Variants in COMMD1 observed in about 807,000 individuals in gnomAD.
COMMD1 encodes copper metabolism domain containing 1.
COMMD1 carries 10 observed loss-of-function variants against 17.2 expected under a neutral mutation model. That is an observed-to-expected ratio of 0.58 (90% CI 0.36 to 0.99). COMMD1 has a LOEUF of 0.99. COMMD1 is among the 50% of genes least tolerant of loss of function. The probability of loss-of-function intolerance (pLI) is 0.01; values close to 1 mark genes in which losing one functional copy is unlikely to be tolerated. For missense variants in COMMD1, 270 were observed against 231.8 expected (o/e 1.17, Z -1.07); for synonymous variants, 97 against 91.6 (o/e 1.06, Z -0.34).
intron 2 of COMMD1, among the ~76,000 whole-genome samples, chr2:62,021,880 A>G (rs1474819602): frequency 6.6e-6 from 1 of 152,222 alleles, no homozygotes; most frequent in Non-Finnish European, 1.5e-5. Flanking sequence ...TGTTTTTAAC[A>G]TCAGGGTTAA....
intron 2 of COMMD1, among the ~76,000 whole-genome samples, chr2:62,041,780 C>T (rs908759640): frequency 6.6e-6 from 1 of 152,106 alleles, no homozygotes; most frequent in African/African-American, 2.4e-5. Flanking sequence ...TTCAGATGTT[C>T]AGATGTGTCC....
intron 1 of COMMD1, among the ~76,000 whole-genome samples, chr2:61,891,589 G>T (rs555010865): frequency 6.6e-6 from 1 of 151,780 alleles, no homozygotes. Context: ...TTAGCCAGGC[G>T]TGGTGTCAGA....
At chr2:62,029,852 G>A (rs1052841466) in intron 2 of COMMD1, among the ~76,000 whole-genome samples, 5 of 152,152 alleles carry the variant, frequency 3.3e-5, no homozygotes, top group Admixed American at 6.5e-5. Context: ...CAAGCCCTTC[G>A]GCCCCAGTGG....
intron 2 of COMMD1, among the ~76,000 whole-genome samples, chr2:62,114,445 A>C (rs1672533795): frequency 6.6e-6 from 1 of 152,218 alleles, no homozygotes; most frequent in Non-Finnish European, 1.5e-5. Context: ...ATGGCATCTT[A>C]ACTGTGGACT....
At chr2:61,913,733 G>A (rs548983781) in intron 1 of COMMD1, among the ~76,000 whole-genome samples, 6 of 132,234 alleles carry the variant, frequency 4.5e-5, no homozygotes, top group Admixed American at 3.5e-4. Context: ...GAGGCAGAGC[G>A]TACAGTGAGC....
intron 1 of COMMD1, among the ~76,000 whole-genome samples, chr2:61,979,878 C>T (rs1324484432): frequency 7.8e-6 from 1 of 128,426 alleles, no homozygotes; most frequent in Non-Finnish European, 1.6e-5. Context: ...AGGTATATCT[C>T]CCAATGCTAT....
chr2:62,106,030 C>G (rs927099852), intron 2 of COMMD1, among the ~76,000 whole-genome samples: 1 of 152,078 alleles, frequency 6.6e-6, no homozygotes, highest in African/African-American at 2.4e-5. Context: ...GGGTCTGGCT[C>G]TGTCACCCAG....
chr2:62,102,295 CT>C (rs1352598370), intron 2 of COMMD1, among the ~76,000 whole-genome samples: 2 of 152,144 alleles, frequency 1.3e-5, no homozygotes, highest in African/African-American at 4.8e-5. Flanking sequence ...TATTTTTGTA[CT>C]TTTGATATTC....
intron 2 of COMMD1, among the ~76,000 whole-genome samples, chr2:62,116,595 C>A (rs925060986): frequency 1.3e-5 from 2 of 150,508 alleles, no homozygotes; most frequent in Non-Finnish European, 2.9e-5. Flanking sequence ...TCACTTAAAC[C>A]CAGGAGGCGG....
chr2:61,973,169 G>C (rs1324816960), intron 1 of COMMD1, among the ~76,000 whole-genome samples: 1 of 152,072 alleles, frequency 6.6e-6, no homozygotes, highest in East Asian at 1.9e-4. Context: ...TCAGACATTT[G>C]GGTTAATTCT....
At chr2:61,979,125 T>G (rs1573025723) in intron 1 of COMMD1, among the ~76,000 whole-genome samples, 3 of 152,094 alleles carry the variant, frequency 2.0e-5, no homozygotes, top group African/African-American at 7.2e-5. Context: ...CCACTATCCT[T>G]CCCAGCCTCT....
At position 62,000,979 on chromosome 2, in the gene COMMD1, A is replaced by G. The variant is rs1485540422; in HGVS notation, c.459A>G (p.Gly153=). The G allele has an allele frequency of 5.0e-6, 8 of 1,612,416 alleles. No homozygotes were observed. The highest frequency in any genetic ancestry group is 6.8e-6 in the Non-Finnish European group (8 of 1,179,972). The stretch of plus-strand genomic sequence containing the variant: ...TAGAGCTGGAATTAGGCAAATATGG[A>G]CAGGTGAGTTAAACTTAAGTCAATT... The part of the protein sequence containing the change: ...AIIELELGKY[G]QESEFLCLEF... The change falls in exon 2 of 3, where the codon GGA becomes GGG. Residue 153 remains glycine (G), a synonymous_variant. Transcript: ENST00000311832.
At chr2:62,014,542 CTTTTTTTTTTTTTTTTTTTTTT>C (rs67886279) in intron 2 of COMMD1, among the ~76,000 whole-genome samples, 11 of 63,568 alleles carry the variant, frequency 1.7e-4, no homozygotes, top group East Asian at 6.4e-4. Context: ...CCATTTTAAC[CTTTTTTTTTTTTTTTTTTTTTT>C]TTTTTTTTTT....
chr2:61,974,837 T>A (rs1671749617), intron 1 of COMMD1, among the ~76,000 whole-genome samples: 1 of 152,116 alleles, frequency 6.6e-6, no homozygotes, highest in South Asian at 2.1e-4. Flanking sequence ...TGTGGTAGAT[T>A]AATTGCAATT....
intron 2 of COMMD1, among the ~76,000 whole-genome samples, chr2:62,047,514 G>GT (rs1040104248): frequency 2.0e-5 from 3 of 151,506 alleles, no homozygotes; most frequent in Non-Finnish European, 2.9e-5. Flanking sequence ...GAGTACAATG[G>GT]TGAGGTCTTG....
chr2:61,979,369 C>A (rs1336104039), intron 1 of COMMD1, among the ~76,000 whole-genome samples: 9 of 151,998 alleles, frequency 5.9e-5, no homozygotes, highest in Non-Finnish European at 1.3e-4. Context: ...CCCAGCTACT[C>A]AGGAGGCTGA....
intron 2 of COMMD1, among the ~76,000 whole-genome samples, chr2:62,041,510 A>G (rs1359901105): frequency 1.3e-5 from 2 of 152,096 alleles, no homozygotes; most frequent in African/African-American, 2.4e-5. Context: ...GGCCCAAGCA[A>G]TCCTCCTACC....
Position 62,084,705 on chromosome 2 carries a change from G to T in COMMD1, c.463-51126G>T, listed in dbSNP as rs1339178082. The T allele has an allele frequency of 2.6e-5, 4 of 152,216 alleles. No individual in the cohort carries two copies. In the East Asian group the frequency reaches 7.7e-4, roughly 29 times the overall value. The allele number at this position is 152,216 out of a possible 1,614,324, so 9.4% of individuals were successfully genotyped here. A position where few individuals can be genotyped will look rare whatever the true frequency, so the allele number is the denominator to read the frequency against. ...AATGGTTTTTTGTTCTCTACATGGG[G>T]ACTATTATTTTTATAACATGTCTAG... On this transcript the variant is annotated intron_variant, in intron 2 of 2. Coordinates refer to ENST00000311832, the MANE Select transcript of COMMD1 (RefSeq NM_152516.4).
intron 1 of COMMD1, among the ~76,000 whole-genome samples, chr2:61,994,043 G>C (rs894116219): frequency 6.6e-6 from 1 of 151,836 alleles, no homozygotes; most frequent in Non-Finnish European, 1.5e-5. Context: ...CTGAAGTGCA[G>C]TGGCGCAATC....
Sources: allele counts gnomAD v4.1 joint callset (sites outside exome capture counted in the v4.1 genomes callset), GRCh38; gene constraint gnomAD v4.1.1; transcripts MANE v1.5; gene names NCBI Gene and HGNC (gene_info 2026-07-23, HGNC 2026-07-21).